Variants in CLVS1 observed in about 807,000 individuals in gnomAD.
CLVS1 encodes clavesin 1, also known as clavesin-1.
CLVS1 carries 10 observed loss-of-function variants against 33.1 expected under a neutral mutation model. That is an observed-to-expected ratio of 0.30 (90% CI 0.19 to 0.51). The LOEUF (loss-of-function observed/expected upper bound fraction) is 0.51, where lower values mean the gene tolerates loss of function less well. Ranked by LOEUF, CLVS1 falls within the 20% of genes least tolerant of loss-of-function variation. CLVS1 has a pLI of 0.97. For synonymous variants in CLVS1, 163 were observed against 166.1 expected (o/e 0.98, Z 0.14); for missense variants, 343 against 433.4 (o/e 0.79, Z 1.85).
the CLVS1 span, chr8:60,965,103 G>A: frequency 6.6e-6 from 1 of 152,210 alleles, no homozygotes; most frequent in Non-Finnish European, 1.5e-5. Flanking sequence ...ATGCCCCACA[G>A]GGAGGGAAGT....
intron 2 of CLVS1, among the ~76,000 whole-genome samples, chr8:61,228,376 C>T (rs1264884018): frequency 6.6e-6 from 1 of 152,122 alleles, no homozygotes; most frequent in Non-Finnish European, 1.5e-5. Context: ...TACAGATGCT[C>T]TTCAACTTAT....
intron 3 of CLVS1, among the ~76,000 whole-genome samples, chr8:61,443,741 A>C (rs1816654304): frequency 6.6e-6 from 1 of 152,096 alleles, no homozygotes. Context: ...TTTCCATAAA[A>C]ATTTTTAAAT....
Position 61,167,846 on chromosome 8 carries a change from A to T in CLVS1, c.-152+35986A>T, listed in dbSNP as rs529956840. On this transcript the variant is annotated intron_variant, in intron 2 of 2. Coordinates refer to the CLVS1 transcript ENST00000522621. Reference sequence around the variant, plus strand: ...GCTACACTCCCACCAGCGCCTAGACAGTTTACAAATGCCATGGCAATGTCA... The same window carrying T: ...GCTACACTCCCACCAGCGCCTAGACTGTTTACAAATGCCATGGCAATGTCA... Among the ~76,000 whole-genome samples, 156 of 152,312 alleles carry T rather than the reference A, an allele frequency of 1.0e-3. 2 individuals carry two copies. The highest frequency in any genetic ancestry group is 3.7e-3 in the African/African-American group (152 of 41,568).
Position 61,320,370 on chromosome 8 carries a change from G to T in CLVS1, c.455+20088G>T, listed in dbSNP as rs539369498. On this transcript the variant is annotated intron_variant, in intron 2 of 5. Transcript: ENST00000325897. ...CTATTTTTCTGGCAATATTCTAAAA[G>T]ATAAGTTTGTTAAAAAAAAAAGATA... 2.2e-3 allele frequency among the ~76,000 whole-genome samples: 331 copies of T among 151,264 alleles called. 3 individuals carry two copies. Among genetic ancestry groups the T allele is most frequent in the South Asian group, 0.017 (79 of 4,774 alleles).
intron 5 of CLVS1, among the ~76,000 whole-genome samples, chr8:61,474,796 CT>C (rs922355481): frequency 1.1e-4 from 16 of 151,574 alleles, no homozygotes; most frequent in East Asian, 5.8e-4. Flanking sequence ...CAGGGCAAGT[CT>C]TTTTTTTTAT....
At chr8:61,057,366 TCACACACA>T (rs61415501) in intron 1 of CLVS1, 30,034 of 139,782 alleles carry the variant, frequency 0.21, 3,292 homozygotes, top group East Asian at 0.43. Context: ...TTAGCACACT[TCACACACA>T]CACACACACA....
chr8:61,408,719 T>C (rs1585928253), intron 3 of CLVS1, among the ~76,000 whole-genome samples: 2 of 152,328 alleles, frequency 1.3e-5, no homozygotes, highest in East Asian at 3.9e-4. Flanking sequence ...TACCTGGAAC[T>C]CCCAGTGCTA....
At chr8:60,992,780 G>A in the CLVS1 span, among the ~76,000 whole-genome samples, 1 of 152,152 alleles carries the variant, frequency 6.6e-6, no homozygotes, top group Non-Finnish European at 1.5e-5. Flanking sequence ...TCAGGCTTAG[G>A]CAAATTAAGA....
intron 2 of CLVS1, among the ~76,000 whole-genome samples, chr8:61,358,711 A>G (rs1443210806): frequency 2.6e-5 from 4 of 152,176 alleles, no homozygotes; most frequent in Admixed American, 6.5e-5. Flanking sequence ...ACCCAAACAG[A>G]GTATTAGAGA....
intron 2 of CLVS1, among the ~76,000 whole-genome samples, chr8:61,161,341 T>C (rs558278289): frequency 1.3e-5 from 2 of 152,268 alleles, no homozygotes; most frequent in South Asian, 4.1e-4. Flanking sequence ...TTGAAATCAG[T>C]ATGTAAAGAG....
chr8:61,266,457 A>G (rs1215324078), intron 2 of CLVS1, among the ~76,000 whole-genome samples: 1 of 152,118 alleles, frequency 6.6e-6, no homozygotes, highest in Non-Finnish European at 1.5e-5. Context: ...TGCTTGAGCC[A>G]GCAGACAGCC....
At chr8:61,086,228 AAAATAAAT>A (rs35848585) in intron 1 of CLVS1, among the ~76,000 whole-genome samples, 3 of 150,460 alleles carry the variant, frequency 2.0e-5, no homozygotes, top group African/African-American at 7.4e-5. Flanking sequence ...CTCTGTCTCA[AAAATAAAT>A]AAATAAATAA....
intron 2 of CLVS1, among the ~76,000 whole-genome samples, chr8:61,179,210 A>C (rs1216971163): frequency 6.6e-6 from 1 of 152,222 alleles, no homozygotes; most frequent in Non-Finnish European, 1.5e-5. Flanking sequence ...TTTATGGAAA[A>C]ACAGACTTTA....
At chr8:61,207,249 G>A (rs1807869580) in intron 2 of CLVS1, among the ~76,000 whole-genome samples, 1 of 130,252 alleles carries the variant, frequency 7.7e-6, no homozygotes, top group Non-Finnish European at 1.6e-5. Context: ...GGGCTTAAGT[G>A]AAGTTCAGAG....
intron 2 of CLVS1, among the ~76,000 whole-genome samples, chr8:61,140,015 G>C (rs889039783): frequency 1.3e-5 from 2 of 152,178 alleles, no homozygotes; most frequent in African/African-American, 4.8e-5. Flanking sequence ...GCAGGAAGCA[G>C]CCGAGGTGCG....
intron 3 of CLVS1, among the ~76,000 whole-genome samples, chr8:61,451,365 T>C (rs949871033): frequency 2.6e-5 from 4 of 152,198 alleles, no homozygotes; most frequent in Non-Finnish European, 1.5e-5. Context: ...TAGTTTATAA[T>C]AAGGAAACAA....
the CLVS1 span, among the ~76,000 whole-genome samples, chr8:60,971,112 G>A: frequency 9.0e-6 from 1 of 111,312 alleles, no homozygotes; most frequent in Non-Finnish European, 1.6e-5. Flanking sequence ...GTCTGACTCT[G>A]TCACCCATGC....
At chr8:61,116,392 A>G (rs1200620236) in intron 1 of CLVS1, among the ~76,000 whole-genome samples, 2 of 152,088 alleles carry the variant, frequency 1.3e-5, no homozygotes, top group African/African-American at 4.8e-5. Context: ...CCATTTGTCA[A>G]TTTTGGCTTT....
chr8:61,392,724 G>C (rs1814354829), intron 3 of CLVS1, among the ~76,000 whole-genome samples: 1 of 151,420 alleles, frequency 6.6e-6, no homozygotes. Flanking sequence ...GCTGGGCTTG[G>C]TGCCACACGG....
Sources: allele counts gnomAD v4.1 joint callset (sites outside exome capture counted in the v4.1 genomes callset), GRCh38; gene constraint gnomAD v4.1.1; transcripts MANE v1.5; gene names NCBI Gene and HGNC (gene_info 2026-07-23, HGNC 2026-07-21).